The following UBTD1 variants were observed in gnomAD, a reference collection of about 807,000 sequenced individuals.
The protein encoded by UBTD1 is ubiquitin domain containing 1, also known as ubiquitin domain-containing protein 1.
UBTD1 carries 19 observed loss-of-function variants against 21.7 expected under a neutral mutation model. That is an observed-to-expected ratio of 0.87 (90% CI 0.61 to 1.28). The LOEUF (loss-of-function observed/expected upper bound fraction) is 1.28, where lower values mean the gene tolerates loss of function less well. Among genes scored for constraint, UBTD1 ranks in the 50% most tolerant of loss-of-function variants. The pLI is 0.00. For missense variants in UBTD1, 282 were observed against 315.1 expected (o/e 0.89, Z 0.80); for synonymous variants, 116 against 135.1 (o/e 0.86, Z 0.98).
chr10:97,515,462 A>C (rs1358951041), intron 1 of UBTD1, among the ~76,000 whole-genome samples: 1 of 152,184 alleles, frequency 6.6e-6, no homozygotes, highest in Non-Finnish European at 1.5e-5. Context: ...GCTGTGTTAG[A>C]GCTCCTTGAT....
chr10:97,518,002 G>A (rs138650087), intron 1 of UBTD1, among the ~76,000 whole-genome samples: 1 of 152,316 alleles, frequency 6.6e-6, no homozygotes, highest in East Asian at 1.9e-4. Context: ...ACTTCCTAGT[G>A]TGGAACTGGA....
intron 1 of UBTD1, among the ~76,000 whole-genome samples, chr10:97,523,031 G>T (rs1020503529): frequency 2.0e-5 from 3 of 152,190 alleles, no homozygotes; most frequent in African/African-American, 7.2e-5. Context: ...CAGACCTTAA[G>T]ATTTAGTGTC....
At chr10:97,508,473 T>C (rs918130016) in intron 1 of UBTD1, among the ~76,000 whole-genome samples, 1 of 152,166 alleles carries the variant, frequency 6.6e-6, no homozygotes, top group Non-Finnish European at 1.5e-5. Flanking sequence ...GGAAAATGAA[T>C]GGATTGCCAG....
At chr10:97,534,625 T>TA (rs2040551547) in intron 1 of UBTD1, among the ~76,000 whole-genome samples, 1 of 148,364 alleles carries the variant, frequency 6.7e-6, no homozygotes, top group Admixed American at 6.7e-5. Flanking sequence ...CCCTTACTCC[T>TA]AAAAAAGCTA....
At chr10:97,562,306 G>A (rs955424054) in intron 1 of UBTD1, among the ~76,000 whole-genome samples, 8 of 152,188 alleles carry the variant, frequency 5.3e-5, no homozygotes, top group South Asian at 2.1e-4. Flanking sequence ...GGTGTCACGC[G>A]CATCCATGTG....
rs573339824 is a variant in UBTD1 at position 97,562,409 on chromosome 10, G to A, written c.71-5505G>A. On this transcript the variant is annotated intron_variant, in intron 1 of 2. Transcript: ENST00000370664. ...GGTCTGAAAAGAGAGTCAGCAAAGG[G>A]TGGTGGCATTATCGTTAGTTCTTGT... Among the ~76,000 whole-genome samples the A allele has an allele frequency of 2.0e-5, 3 of 152,170 alleles. No individual in the cohort carries two copies. In the East Asian group the frequency reaches 5.8e-4, roughly 29 times the overall value.
chr10:97,557,120 C>T (rs746131652), intron 1 of UBTD1, among the ~76,000 whole-genome samples: 5 of 152,136 alleles, frequency 3.3e-5, no homozygotes, highest in African/African-American at 1.2e-4. Context: ...TCTCCTGTTA[C>T]GGTTCCAACA....
intron 1 of UBTD1, among the ~76,000 whole-genome samples, chr10:97,511,147 C>T (rs1024447202): frequency 2.0e-5 from 3 of 152,142 alleles, no homozygotes; most frequent in Non-Finnish European, 2.9e-5. Flanking sequence ...TGAGCATCCC[C>T]GCATACCTAG....
intron 1 of UBTD1, among the ~76,000 whole-genome samples, chr10:97,545,987 G>A (rs1404716538): frequency 1.3e-5 from 2 of 152,142 alleles, no homozygotes; most frequent in Non-Finnish European, 1.5e-5. Flanking sequence ...GTTTCACCAT[G>A]TTTGCCAGGC....
Position 97,534,480 on chromosome 10 carries a change from C to T in UBTD1, c.71-33434C>T, listed in dbSNP as rs114446799. ...CTAAGCTTTCTCCACTTTGTCATGA[C>T]AAGGATCTTTTACTGCGTTTCCCCC... On this transcript the variant is annotated intron_variant, in intron 1 of 2. Coordinates refer to ENST00000370664, the MANE Select transcript of UBTD1 (RefSeq NM_024954.5). Among the ~76,000 whole-genome samples the T allele has an allele frequency of 7.4e-4, 112 of 152,160 alleles. 1 individual carries two copies. Among genetic ancestry groups the T allele is most frequent in the Middle Eastern group, 3.4e-3 (1 of 294 alleles).
At chr10:97,558,025 AT>A (rs1218419823) in intron 1 of UBTD1, among the ~76,000 whole-genome samples, 1 of 152,132 alleles carries the variant, frequency 6.6e-6, no homozygotes, top group East Asian at 1.9e-4. Flanking sequence ...GAGTTTCCTC[AT>A]GCTTCGGCCG....
At position 97,570,089 on chromosome 10, in the gene UBTD1, A is replaced by G; in HGVS notation, c.299-49A>G. 3.2e-6 allele frequency: 5 copies of G among 1,554,916 alleles called. No individual in the cohort carries two copies. Among genetic ancestry groups the G allele is most frequent in the South Asian group, 1.2e-5 (1 of 83,490 alleles). The stretch of plus-strand genomic sequence containing the variant: ...TTGGGGGGACCCAAACATTTAATCC[A>G]TGATAGTGGATCCCCAAGCTGACTC... On this transcript the variant is annotated intron_variant, in intron 2 of 2. Transcript: ENST00000370664. This position sits in a 1 kb window ranked among gnomAD's most constrained non-coding sequence, Gnocchi z 6.6.
rs910970695 is a variant in UBTD1 at position 97,571,055 on chromosome 10, C to T, written c.*532C>T. ...TGGCAGAGATGAGGCGGGTGGTGGA[C>T]AGCTGGGCTGTCGTGGCAGGGTCTG... On this transcript the variant is annotated 3_prime_UTR_variant, in exon 3 of 3. Transcript: ENST00000370664. 17 of 159,792 alleles carry T rather than the reference C, an allele frequency of 1.1e-4. No individual in the cohort carries two copies. The highest frequency in any genetic ancestry group is 2.6e-4 in the African/African-American group (11 of 41,706). The allele number at this position is 159,792 out of a possible 1,614,324, so 9.9% of individuals were successfully genotyped here.
chr10:97,504,124 T>G (rs1373947545), intron 1 of UBTD1, among the ~76,000 whole-genome samples: 1 of 152,092 alleles, frequency 6.6e-6, no homozygotes, highest in Admixed American at 6.5e-5. Flanking sequence ...AATCAATAAA[T>G]CCTGTTGGTT....
At chr10:97,565,378 A>G (rs952222910) in intron 1 of UBTD1, among the ~76,000 whole-genome samples, 7 of 152,218 alleles carry the variant, frequency 4.6e-5, no homozygotes, top group Non-Finnish European at 1.0e-4. Flanking sequence ...CAGGAATTAT[A>G]TTGGAATTGT....
At chr10:97,527,963 T>C (rs1038449989) in intron 1 of UBTD1, among the ~76,000 whole-genome samples, 6 of 152,082 alleles carry the variant, frequency 3.9e-5, no homozygotes, top group East Asian at 1.9e-4. Context: ...AGCTGCTGGG[T>C]ACACCTCCCA....
intron 1 of UBTD1, among the ~76,000 whole-genome samples, chr10:97,556,048 G>C (rs1218034903): frequency 6.6e-6 from 1 of 152,184 alleles, no homozygotes; most frequent in East Asian, 1.9e-4. Flanking sequence ...TATATAGTAT[G>C]CTTGTGCTGA....
rs994241290 is a variant in UBTD1 at position 97,513,434 on chromosome 10, G to A, written c.70+14161G>A. The stretch of plus-strand genomic sequence containing the variant: ...GGATGAGAGAGGTCCCTGGGAGCTC[G>A]AGTTACGGAGGGAAGATTTCTGAAG... On this transcript the variant is annotated intron_variant, in intron 1 of 2. Transcript: ENST00000370664. 7.9e-5 allele frequency among the ~76,000 whole-genome samples: 12 copies of A among 152,282 alleles called. No individual in the cohort carries two copies. In the Middle Eastern group the frequency reaches 0.01, roughly 129 times the overall value.
At chr10:97,539,070 G>A (rs1284290771) in intron 1 of UBTD1, among the ~76,000 whole-genome samples, 1 of 152,186 alleles carries the variant, frequency 6.6e-6, no homozygotes, top group Non-Finnish European at 1.5e-5. Context: ...AGGCAGCTGA[G>A]TTGGGTGCTG....
Sources: allele counts gnomAD v4.1 joint callset (sites outside exome capture counted in the v4.1 genomes callset), GRCh38; gene constraint gnomAD v4.1.1; non-coding constraint Gnocchi (gnomAD v3.1); transcripts MANE v1.5; gene names NCBI Gene and HGNC (gene_info 2026-07-23, HGNC 2026-07-21).